Variants in CYGB observed in about 807,000 individuals in gnomAD.
CYGB encodes the protein histoglobin.
CYGB carries 13 observed loss-of-function variants against 20.7 expected under a neutral mutation model. The ratio of observed to expected loss-of-function variants is 0.63; its 90% CI spans 0.41 to 1.00. The LOEUF (loss-of-function observed/expected upper bound fraction) is 1.00. CYGB is among the 50% of genes least tolerant of loss of function. The pLI is 0.00. For synonymous variants in CYGB, 93 were observed against 107.4 expected, an observed-to-expected ratio of 0.87 and a Z score of 0.83; for missense variants, 218 against 257.2, an observed-to-expected ratio of 0.85 and a Z score of 1.04.
chr17:76,537,275 T>G, intron 1 of CYGB, 125 bp downstream of exon 1: 1 of 1,161,142 alleles, frequency 8.6e-7, no homozygotes, highest in Non-Finnish European at 1.1e-6. Flanking sequence ...TCCGCCGACC[T>G]CGGACCGGCC....
chr17:76,542,806 G>A (rs953941495), intron 1 of CYGB, among the ~76,000 whole-genome samples: 4 of 152,248 alleles, frequency 2.6e-5, no homozygotes, highest in Non-Finnish European at 5.9e-5. Flanking sequence ...CCTTGAGCCT[G>A]TTGTGGTCCG....
intron 1 of CYGB, among the ~76,000 whole-genome samples, chr17:76,536,301 C>A (rs2074913124): frequency 6.6e-6 from 1 of 152,148 alleles, no homozygotes; most frequent in Non-Finnish European, 1.5e-5. Context: ...GGAGAGGCCA[C>A]AGGGAGAAGA....
chr17:76,545,197 A>G (rs1299361761), intron 1 of CYGB: 1 of 456,716 alleles, frequency 2.2e-6, no homozygotes, highest in Admixed American at 2.3e-5. Context: ...CGCAGTCTGC[A>G]CATTTGCAGC....
chr17:76,540,190 C>T (rs375181336), upstream of CYGB: 2,171 of 1,603,082 alleles, frequency 1.4e-3, 45 homozygotes, highest in South Asian at 0.023. This position sits in a 1 kb window ranked among gnomAD's most constrained non-coding sequence, Gnocchi z 5.0. Flanking sequence ...GCTCTGGCGC[C>T]GCCGATTTGC....
At chr17:76,540,602 G>A, upstream of CYGB, 1 of 1,608,262 alleles carries the variant, frequency 6.2e-7, no homozygotes, top group African/African-American at 1.3e-5. This position sits in a 1 kb window ranked among gnomAD's most constrained non-coding sequence, Gnocchi z 5.0. Flanking sequence ...CTGGGGGAGG[G>A]AGGGTGCTGC....
rs986012220 is a variant in CYGB at position 76,528,168 on chromosome 17, A to G, written c.*410T>C. ...TTTATATATAGCTCGTATATAGAAT[A>G]TATCTGTATATATGGTAGATGTGTG... On this transcript the variant is annotated 3_prime_UTR_variant, in exon 4 of 4. Coordinates refer to ENST00000293230, the MANE Select transcript of CYGB (RefSeq NM_134268.5). The surrounding 1 kb of genome is among the most constrained non-coding windows in gnomAD (Gnocchi z 5.8). 3.1e-5 allele frequency: 12 copies of G among 392,896 alleles called. No homozygotes were observed. The highest frequency in any genetic ancestry group is 1.4e-4 in the South Asian group (1 of 7,226). 24.3% of individuals were successfully genotyped at this position (392,896 alleles called of 1,614,324 possible).
chr17:76,528,858 T>G lies in CYGB; in HGVS notation c.540-247A>C. On this transcript the variant is annotated intron_variant, in intron 3 of 3. Transcript: ENST00000293230. The surrounding 1 kb of genome is among the most constrained non-coding windows in gnomAD (Gnocchi z 5.8). ...CTTTTTCTCTAAAATGTGAATAATGTCTGTCTTGTGACATAAACTGGGTAA... is the reference window on the plus strand; with the variant it reads ...CTTTTTCTCTAAAATGTGAATAATGGCTGTCTTGTGACATAAACTGGGTAA... The G allele has an allele frequency of 8.2e-7, 1 of 1,218,044 alleles. No homozygotes were observed. Among genetic ancestry groups the G allele is most frequent in the Non-Finnish European group, 1.0e-6 (1 of 976,900 alleles). The allele number at this position is 1,218,044 out of a possible 1,614,324, so 75.5% of individuals were successfully genotyped here.
chr17:76,544,577 C>T (rs1326931030), intron 1 of CYGB: 8 of 456,582 alleles, frequency 1.8e-5, no homozygotes, highest in Non-Finnish European at 3.1e-5. Context: ...GAGGCAAAGC[C>T]AGAGCGCCAG....
intron 3 of CYGB, chr17:76,529,041 T>TGGGGGGGGG: frequency 9.6e-6 from 8 of 834,162 alleles, no homozygotes; most frequent in Non-Finnish European, 1.1e-5. Context: ...CTGCAGTCAT[T>TGGGGGGGGG]GCGCCCCCCC....
At chr17:76,540,162 G>A (rs1205814447), upstream of CYGB, 1 of 1,602,522 alleles carries the variant, frequency 6.2e-7, no homozygotes, top group South Asian at 1.1e-5. This position sits in a 1 kb window ranked among gnomAD's most constrained non-coding sequence, Gnocchi z 5.0. Context: ...CCCTTTTCCT[G>A]CTCAGCACCC....
At chr17:76,537,265 T>G (rs9914096) in intron 1 of CYGB, 135 bp downstream of exon 1, 1 of 1,041,934 alleles carries the variant, frequency 9.6e-7, no homozygotes, top group East Asian at 3.4e-5. Context: ...CGCCGCCTGC[T>G]CCGCCGACCT....
chr17:76,550,956 A>T (rs1040536715), exon 1 of CYGB: 1 of 152,214 alleles, frequency 6.6e-6, no homozygotes, highest in Non-Finnish European at 1.5e-5. Flanking sequence ...CATTTTACAG[A>T]TGAGAAAATA....
intron 1 of CYGB, chr17:76,532,025 CT>C (rs1404270534): frequency 4.4e-6 from 1 of 225,170 alleles, no homozygotes; most frequent in Non-Finnish European, 8.9e-6. Flanking sequence ...AGGGTAAGAA[CT>C]CAGGTTCTGG....
Position 76,527,709 on chromosome 17 carries a change from C to A in CYGB, c.*869G>T, listed in dbSNP as rs8189. ...CTGCTGCCCAGCAGCCCGGATCCCC[C>A]GGGGCTGCCCTGGTGGCCAAGGCAG... On this transcript the variant is annotated 3_prime_UTR_variant, in exon 4 of 4. Coordinates refer to ENST00000293230, the MANE Select transcript of CYGB (RefSeq NM_134268.5). 640 of 453,850 alleles carry A rather than the reference C, an allele frequency of 1.4e-3. 3 individuals carry two copies. The highest frequency in any genetic ancestry group is 0.011 in the African/African-American group (563 of 50,030). The allele number at this position is 453,850 out of a possible 1,614,324, so 28.1% of individuals were successfully genotyped here.
intron 1 of CYGB, among the ~76,000 whole-genome samples, chr17:76,534,163 TC>T (rs2074887272): frequency 6.7e-6 from 1 of 149,106 alleles, no homozygotes; most frequent in African/African-American, 2.5e-5. Context: ...TCTCTCTCTC[TC>T]TCTCTCTCTC....
chr17:76,531,044 G>A lies in CYGB; in HGVS notation c.474C>T (p.Ile158=). Reference sequence around the variant, plus strand: ...TGTAGGCAGCGGTCACGTGGCTGTAGATGAGGCCACGCAGCTTGGCCCAGG... The same window carrying A: ...TGTAGGCAGCGGTCACGTGGCTGTAAATGAGGCCACGCAGCTTGGCCCAGG... ...QRAWAKLRGL[I]YSHVTAAYKE... The change falls in exon 3 of 4, where the codon ATC becomes ATT. Residue 158 remains isoleucine (I), a synonymous_variant. Coordinates refer to ENST00000293230, the MANE Select transcript of CYGB (RefSeq NM_134268.5). This position sits in a 1 kb window ranked among gnomAD's most constrained non-coding sequence, Gnocchi z 7.4. The A allele has an allele frequency of 6.2e-7, 1 of 1,613,898 alleles. No individual in the cohort carries two copies. The highest frequency in any genetic ancestry group is 2.2e-5 in the East Asian group (1 of 44,864).
At position 76,531,282 on chromosome 17, in the gene CYGB, A is replaced by T; in HGVS notation, c.376-140T>A. ...GCAGCTTTGGGAACCCCGTGCTCTC[A>T]GGACAAGGGTTGCCCTGGACCCAGC... is the stretch of plus-strand genomic sequence containing the variant. On this transcript the variant is annotated intron_variant, in intron 2 of 3. Transcript: ENST00000293230. This position sits in a 1 kb window ranked among gnomAD's most constrained non-coding sequence, Gnocchi z 7.4. 8.2e-7 allele frequency: 1 copy of T among 1,218,124 alleles called. No individual in the cohort carries two copies. The highest frequency in any genetic ancestry group is 1.1e-6 in the Non-Finnish European group (1 of 875,496). The allele number at this position is 1,218,124 out of a possible 1,614,324, so 75.5% of individuals were successfully genotyped here.
At chr17:76,541,197 AG>A (rs2074989004), upstream of CYGB, among the ~76,000 whole-genome samples, 2 of 152,176 alleles carry the variant, frequency 1.3e-5, no homozygotes, top group South Asian at 4.1e-4. Context: ...GTTCGATGAT[AG>A]GGGCGCCTAT....
rs756335948 is a variant in CYGB, at chr17:76,544,228, C to T, written c.-53+6634G>A. On this transcript the variant is annotated intron_variant, in intron 1 of 3. Coordinates refer to the CYGB transcript ENST00000589145. Reference sequence around the variant, plus strand: ...CTCTGTGCACACGCGTCTCTCCTCCCCAGCCAGCCCCCCTCCCAGCCCAGC... The same window carrying T: ...CTCTGTGCACACGCGTCTCTCCTCCTCAGCCAGCCCCCCTCCCAGCCCAGC... 3.7e-5 allele frequency: 17 copies of T among 454,422 alleles called. 1 individual carries two copies. Among genetic ancestry groups the T allele is most frequent in the South Asian group, 2.6e-4 (17 of 64,482 alleles). The allele number at this position is 454,422 out of a possible 1,614,324, so 28.1% of individuals were successfully genotyped here.
Sources: allele counts gnomAD v4.1 joint callset (sites outside exome capture counted in the v4.1 genomes callset), GRCh38; gene constraint gnomAD v4.1.1; non-coding constraint Gnocchi (gnomAD v3.1); transcripts MANE v1.5; gene names NCBI Gene and HGNC (gene_info 2026-07-23, HGNC 2026-07-21).